The following EIF3G variants were observed in gnomAD, a reference collection of about 807,000 sequenced individuals.
EIF3G encodes the protein eukaryotic translation initiation factor 3 RNA-binding subunit.
Under a neutral mutation model 41.7 loss-of-function variants are expected in EIF3G, and 10 were observed. The observed-to-expected ratio is 0.24, with a 90% CI of 0.15 to 0.41. The LOEUF is 0.41. EIF3G is among the 10% of genes least tolerant of loss of function. The pLI, the probability that EIF3G is intolerant of heterozygous loss-of-function variation, is 1.00. For synonymous variants in EIF3G, 204 were observed against 172.5 expected (o/e 1.18, Z -1.43); for missense variants, 297 against 444.0 (o/e 0.67, Z 2.98).
intron 6 of EIF3G, 31 bp downstream of exon 6, chr19:10,117,053 G>A (rs1219706447): frequency 1.2e-6 from 2 of 1,608,446 alleles, no homozygotes. Flanking sequence ...CCCACCCCAG[G>A]ATGCCAGCCC....
rs774665616 is a variant in EIF3G at position 10,116,712 on chromosome 19, C to T, written c.595+88G>A. 9.5e-6 allele frequency: 13 copies of T among 1,365,658 alleles called. No homozygotes were observed. Among genetic ancestry groups the T allele is most frequent in the Non-Finnish European group, 1.3e-5 (13 of 1,010,630 alleles). The allele number at this position is 1,365,658 out of a possible 1,614,324, so 84.6% of individuals were successfully genotyped here. On this transcript the variant is annotated intron_variant, in intron 7 of 10. Coordinates refer to ENST00000253108, the MANE Select transcript of EIF3G (RefSeq NM_003755.5). This position sits in a 1 kb window ranked among gnomAD's most constrained non-coding sequence, Gnocchi z 4.1. ...GGAGAGTCTGGCACCATCAAACCCG[C>T]TGCACTGTCGTGCGGGAGATGACAG...
chr19:10,118,822 GC>G, intron 4 of EIF3G, 45 bp downstream of exon 4: 1 of 1,607,362 alleles, frequency 6.2e-7, no homozygotes, highest in South Asian at 1.1e-5. Context: ...CGGTCTATGG[GC>G]CCCCAAGCAC....
chr19:10,116,404 G>A lies in EIF3G; in HGVS notation c.596-330C>T, dbSNP rs1188545037. ...GGAACAGCGCCCAGGTCCCCCTCGC[G>A]TGGCAGGCGACAAGTGCACGTCTGC... On this transcript the variant is annotated intron_variant, in intron 7 of 10. Transcript: ENST00000253108. This position sits in a 1 kb window ranked among gnomAD's most constrained non-coding sequence, Gnocchi z 4.1. 1.8e-5 allele frequency: 9 copies of A among 501,314 alleles called. No homozygotes were observed. The highest frequency in any genetic ancestry group is 3.5e-5 in the East Asian group (1 of 28,546). 31.1% of individuals were successfully genotyped at this position (501,314 alleles called of 1,614,324 possible).
intron 10 of EIF3G, 38 bp downstream of exon 10, chr19:10,115,441 G>A: frequency 6.4e-7 from 1 of 1,574,038 alleles, no homozygotes; most frequent in Non-Finnish European, 8.7e-7. Flanking sequence ...GCTGGGACAA[G>A]GCAGGGAGCA....
Position 10,118,660 on chromosome 19 carries a change from A to T in EIF3G, c.300+8T>A, listed in dbSNP as rs374395795. On this transcript the variant is annotated splice_region_variant and intron_variant, in intron 5 of 10. Coordinates refer to ENST00000253108, the MANE Select transcript of EIF3G (RefSeq NM_003755.5). ...CTCTAGGTTAGCCCTGGGGAAGAAG[A>T]GCCTCACCTTCCTCCTTGCGACAGC... The T allele has an allele frequency of 6.2e-7, 1 of 1,613,914 alleles. No individual in the cohort carries two copies. The highest frequency in any genetic ancestry group is 1.1e-5 in the South Asian group (1 of 91,068).
chr19:10,118,564 CAAAAAA>C, intron 5 of EIF3G, 98 bp downstream of exon 5: 126 of 913,476 alleles, frequency 1.4e-4, no homozygotes, highest in Non-Finnish European at 1.6e-4. Flanking sequence ...CACTCTGTCT[CAAAAAA>C]AAAAAAAAAA....
chr19:10,115,175 CAAGACCCCAGACACCCAAG>C, intron 10 of EIF3G, 46 bp from the exon 11 acceptor site: 1 of 1,609,030 alleles, frequency 6.2e-7, no homozygotes, highest in Non-Finnish European at 8.5e-7. Flanking sequence ...GGGGGCACCC[CAAGACCCCAGACACCCAAG>C]TGGCATCTTG....
chr19:10,118,531 C>CT, intron 5 of EIF3G, 137 bp downstream of exon 5: 1 of 991,068 alleles, frequency 1.0e-6, no homozygotes, highest in Non-Finnish European at 1.5e-6. Context: ...TGCCACTGCA[C>CT]TTCAGCCTGG....
chr19:10,118,829 A>G (rs752039700), intron 4 of EIF3G, 39 bp downstream of exon 4: 17 of 1,607,284 alleles, frequency 1.1e-5, no homozygotes, highest in Non-Finnish European at 1.4e-5. Flanking sequence ...TGGGCCCCCA[A>G]GCACAAGGGT....
chr19:10,118,854 C>T lies in EIF3G; in HGVS notation c.240+14G>A, dbSNP rs772032611. 4.3e-6 allele frequency: 7 copies of T among 1,611,890 alleles called. No individual in the cohort carries two copies. Among genetic ancestry groups the T allele is most frequent in the Non-Finnish European group, 5.1e-6 (6 of 1,178,766 alleles). ...AGCACAAGGGTCCCCACTCCCTGCA[C>T]CCCCCACCCTCACCTTGAACTTCTT... On this transcript the variant is annotated intron_variant, in intron 4 of 10. Transcript: ENST00000253108.
chr19:10,116,026 G>A lies in EIF3G; in HGVS notation c.644C>T (p.Pro215Leu), dbSNP rs530819290. 4 of 1,613,906 alleles carry A rather than the reference G, an allele frequency of 2.5e-6. No homozygotes were observed. The highest frequency in any genetic ancestry group is 2.5e-6 in the Non-Finnish European group (3 of 1,179,912). The change falls in exon 8 of 11, where the codon CCG (proline) becomes CTG (leucine). Residue 215 changes from proline (P) to leucine (L), a missense_variant. Around this residue, in one of 4 missense-constraint regions of EIF3G, gnomAD observed 91 missense variants for 170.5 expected, o/e 0.53. Transcript: ENST00000253108. This position sits in a 1 kb window ranked among gnomAD's most constrained non-coding sequence, Gnocchi z 4.1. The stretch of plus-strand genomic sequence containing the variant: ...GCTGGCCCCGTCGCGCAGGCTCGGC[G>A]GCACATACTTCCCTGTCTTGTTCTG... ...ATQNKTGKYV[P>L]PSLRDGASRR... is the part of the protein sequence containing the mutation.
intron 5 of EIF3G, chr19:10,118,003 G>A (rs2089273997): frequency 6.6e-6 from 1 of 152,294 alleles, no homozygotes. Context: ...AGTAAGCTAT[G>A]ATCGTGCCAC....
chr19:10,118,836 G>C lies in EIF3G; in HGVS notation c.240+32C>G, dbSNP rs1264558079. 1.9e-6 allele frequency: 3 copies of C among 1,603,586 alleles called. No homozygotes were observed. In the African/African-American group the frequency reaches 4.0e-5, roughly 22 times the overall value. ...CCGGTCTATGGGCCCCCAAGCACAA[G>C]GGTCCCCACTCCCTGCACCCCCCAC... On this transcript the variant is annotated intron_variant, in intron 4 of 10. Transcript: ENST00000253108.
chr19:10,117,308 T>C, intron 5 of EIF3G, 120 bp from the exon 6 acceptor site: 1 of 697,604 alleles, frequency 1.4e-6, no homozygotes, highest in Non-Finnish European at 2.4e-6. Flanking sequence ...CCCATCTTCA[T>C]CCTCCTCAAG....
intron 2 of EIF3G, 41 bp downstream of exon 2, chr19:10,119,613 G>T: frequency 3.2e-6 from 5 of 1,554,722 alleles, no homozygotes; most frequent in Non-Finnish European, 3.5e-6. Context: ...CACACGGCTT[G>T]GGCCTGGCCG....
chr19:10,117,010 G>C (rs763384052), intron 6 of EIF3G, 21 bp from the exon 7 acceptor site: 3 of 1,603,286 alleles, frequency 1.9e-6, no homozygotes, highest in Non-Finnish European at 2.6e-6. Flanking sequence ...CGGGTTGGGG[G>C]GAGCTCAGAG....
Position 10,117,140 on chromosome 19 carries a change from C to T in EIF3G, c.349G>A (p.Val117Met). ...NSEFDPPGPN[V>M]ATTTVSDDVS... is the part of the protein sequence containing the mutation. ...TCGTCACTGACAGTGGTGGTGGCCACATTGGGTCCGGGGGGGTCAAACTCT... is the reference window on the plus strand; with the variant it reads ...TCGTCACTGACAGTGGTGGTGGCCATATTGGGTCCGGGGGGGTCAAACTCT... The change falls in exon 6 of 11, where the codon GTG becomes ATG. Residue 117 changes from valine to methionine, a missense_variant. Val to Met is a conservative substitution (Grantham distance 21). Around this residue, in one of 4 missense-constraint regions of EIF3G, gnomAD observed 147 missense variants for 162.4 expected, o/e 0.91. Transcript: ENST00000253108. The T allele has an allele frequency of 6.2e-7, 1 of 1,613,556 alleles. No homozygotes were observed. Among genetic ancestry groups the T allele is most frequent in the Non-Finnish European group, 8.5e-7 (1 of 1,179,820 alleles).
chr19:10,116,012 C>T lies in EIF3G; in HGVS notation c.658G>A (p.Asp220Asn), dbSNP rs770681828. Reference sequence around the variant, plus strand: ...GACTCCCCGCGGCGGCTGGCCCCGTCGCGCAGGCTCGGCGGCACATACTTC... The same window carrying T: ...GACTCCCCGCGGCGGCTGGCCCCGTTGCGCAGGCTCGGCGGCACATACTTC... Reference protein sequence around the residue: ...TGKYVPPSLRDGASRRGESMQ... With the variant: ...TGKYVPPSLRNGASRRGESMQ... The change falls in exon 8 of 11, where the codon GAC (aspartate) becomes AAC (asparagine). Residue 220 changes from aspartate (D) to asparagine (N), a missense_variant. Asp to Asn is a conservative substitution (Grantham distance 23, BLOSUM62 1). Around this residue, in one of 4 missense-constraint regions of EIF3G, gnomAD observed 91 missense variants for 170.5 expected, o/e 0.53. Coordinates refer to ENST00000253108, the MANE Select transcript of EIF3G (RefSeq NM_003755.5). This position sits in a 1 kb window ranked among gnomAD's most constrained non-coding sequence, Gnocchi z 4.1. The T allele has an allele frequency of 1.1e-5, 18 of 1,613,620 alleles. No homozygotes were observed. The highest frequency in any genetic ancestry group is 2.7e-5 in the African/African-American group (2 of 74,954).
intron 5 of EIF3G, chr19:10,118,079 T>G (rs2089274592): frequency 6.6e-6 from 1 of 152,392 alleles, no homozygotes; most frequent in African/African-American, 2.4e-5. Context: ...AATCTAATTT[T>G]TATTCGATAT....
Sources: allele counts gnomAD v4.1 joint callset, GRCh38; gene constraint gnomAD v4.1.1; regional missense constraint gnomAD v4.1.1; non-coding constraint Gnocchi (gnomAD v3.1); transcripts MANE v1.5; gene names NCBI Gene and HGNC (gene_info 2026-07-23, HGNC 2026-07-21).